Variants in ADGRB1 observed in about 807,000 individuals in gnomAD.
ADGRB1 encodes the protein adhesion G protein-coupled receptor B1.
A neutral mutation model predicts 175.7 loss-of-function variants in ADGRB1; 36 were observed. That is an observed-to-expected ratio of 0.20 (90% CI 0.16 to 0.27). The LOEUF is 0.27. Among genes scored for constraint, ADGRB1 ranks in the 10% least tolerant of loss-of-function variants. ADGRB1 has a pLI of 1.00. For missense variants in ADGRB1, 1,731 were observed against 2,255.3 expected (o/e 0.77, Z 4.71); for synonymous variants, 1,054 against 979.4 (o/e 1.08, Z -1.42).
intron 17 of ADGRB1, 49 bp downstream of exon 17, chr8:142,490,864 T>G: frequency 6.5e-7 from 1 of 1,549,178 alleles, no homozygotes; most frequent in Non-Finnish European, 8.7e-7. Context: ...GTGGGGTTCG[T>G]GGGAGGCTGG....
chr8:142,503,392 G>A (rs768582695), intron 17 of ADGRB1, among the ~76,000 whole-genome samples: 11 of 152,096 alleles, frequency 7.2e-5, no homozygotes, highest in Non-Finnish European at 5.9e-5. Flanking sequence ...GCACAGGCCA[G>A]GCCAGGGAGG....
At position 142,455,161 on chromosome 8, in the gene ADGRB1, G is replaced by A. The variant is rs566903914; in HGVS notation, c.-220+5057G>A. Among the ~76,000 whole-genome samples, 23 of 108,332 alleles carry A rather than the reference G, an allele frequency of 2.1e-4. No homozygotes were observed. The South Asian group carries it at 6.4e-3, about 30-fold the overall frequency. The allele number at this position is 108,332 out of a possible 152,430, so 71.1% of individuals were successfully genotyped here. A position where few individuals can be genotyped will look rare whatever the true frequency, so the allele number is the denominator to read the frequency against. ...GAGGCTACCTCAGCCGCACCCTGCC[G>A]CCGGCACCACACTGCACCATCATTC... On this transcript the variant is annotated intron_variant, in intron 1 of 30. Coordinates refer to ENST00000517894, the MANE Select transcript of ADGRB1 (RefSeq NM_001702.3). The surrounding 1 kb of genome is among the most constrained non-coding windows in gnomAD (Gnocchi z 4.9).
chr8:142,452,862 C>A (rs1359746748), intron 1 of ADGRB1, among the ~76,000 whole-genome samples: 3 of 150,634 alleles, frequency 2.0e-5, no homozygotes, highest in African/African-American at 4.8e-5. Flanking sequence ...GCGGCCGGCG[C>A]GGGGCCGCAG....
chr8:142,488,397 C>G lies in ADGRB1; in HGVS notation c.2342C>G (p.Ala781Gly). The change falls in exon 14 of 31, where the codon GCC becomes GGC. Residue 781 changes from alanine to glycine, a missense_variant. Ala to Gly is a moderately conservative substitution (Grantham distance 60). Transcript: ENST00000517894. The part of the protein sequence containing the change: ...LSIHKLPASG[A>G]TDISFPMKGW... ...ATCCATAAGCTCCCAGCCAGCGGAG[C>G]CACTGACATCAGCTTCCCCATGAAG... The G allele has an allele frequency of 6.2e-7, 1 of 1,613,302 alleles. No homozygotes were observed. Among genetic ancestry groups the G allele is most frequent in the Non-Finnish European group, 8.5e-7 (1 of 1,179,832 alleles).
At position 142,489,324 on chromosome 8, in the gene ADGRB1, T is replaced by C. The variant is rs747034039; in HGVS notation, c.2529-12T>C. 8.1e-6 allele frequency: 13 copies of C among 1,612,454 alleles called. No homozygotes were observed. Among genetic ancestry groups the C allele is most frequent in the Non-Finnish European group, 1.1e-5 (13 of 1,179,654 alleles). On this transcript the variant is annotated splice_polypyrimidine_tract_variant and intron_variant, in intron 15 of 30. Transcript: ENST00000517894. ...AGGGCTCCCCCGACACCTGTGCCTC[T>C]GGCTCTTGCAGGAACACGACCGTCC...
chr8:142,499,957 C>G (rs79543084), intron 17 of ADGRB1, among the ~76,000 whole-genome samples: 1,933 of 81,838 alleles, frequency 0.024, 44 homozygotes, highest in African/African-American at 0.091. Flanking sequence ...AATGCCCACC[C>G]GGTTCCTTTG....
chr8:142,469,862 C>T (rs1015186978), intron 2 of ADGRB1, among the ~76,000 whole-genome samples: 2 of 152,182 alleles, frequency 1.3e-5, no homozygotes, highest in Non-Finnish European at 2.9e-5. Context: ...AGACACACAG[C>T]TGAGCAGAGG....
At chr8:142,528,588 G>A (rs1356776331) in intron 24 of ADGRB1, among the ~76,000 whole-genome samples, 2 of 152,148 alleles carry the variant, frequency 1.3e-5, no homozygotes, top group African/African-American at 2.4e-5. Context: ...CAAGTGTGCC[G>A]AGTGTGGAGT....
Position 142,542,585 on chromosome 8 carries a change from C to A in ADGRB1, c.4351C>A (p.Pro1451Thr). The change falls in exon 28 of 31, where the codon CCC becomes ACC. Residue 1451 changes from proline (P) to threonine (T), a missense_variant. Physicochemically the swap from Pro to Thr is conservative, Grantham distance 38. This residue lies in a region of ADGRB1 where 394 missense variants were observed against 410.2 expected (regional missense o/e 0.96). Coordinates refer to ENST00000517894, the MANE Select transcript of ADGRB1 (RefSeq NM_001702.3). This position sits in a 1 kb window ranked among gnomAD's most constrained non-coding sequence, Gnocchi z 6.3. The stretch of plus-strand genomic sequence containing the variant: ...CGGGGAGCCTGCCGCCCATCCGGGA[C>A]CCAGCACGGGGCCCAGCACCAAGAA... Reference protein sequence around the residue: ...DPGEPAAHPGPSTGPSTKNEN... With the variant: ...DPGEPAAHPGTSTGPSTKNEN... The A allele has an allele frequency of 6.5e-7, 1 of 1,541,872 alleles. No homozygotes were observed. The highest frequency in any genetic ancestry group is 8.7e-7 in the Non-Finnish European group (1 of 1,143,916).
At chr8:142,485,082 C>A (rs1329451599) in intron 13 of ADGRB1, among the ~76,000 whole-genome samples, 1 of 152,218 alleles carries the variant, frequency 6.6e-6, no homozygotes, top group Non-Finnish European at 1.5e-5. Context: ...GCTTTAGAGG[C>A]AGGGGCTGTG....
At position 142,544,246 on chromosome 8, in the gene ADGRB1, G is replaced by A. The variant is rs746140051; in HGVS notation, c.4584G>A (p.Lys1528=). The part of the protein sequence containing the change: ...SKPEKQQTPN[K]RPWESLRKAH... ...CGGAAAAGCAGCAGACGCCCAACAA[G>A]AGGCCCTGGGAGAGCCTCCGGAAAG... Residue 1528 remains lysine, a synonymous_variant, in exon 31 of 31, where the codon AAG becomes AAA. Transcript: ENST00000517894. The A allele has an allele frequency of 6.5e-7, 1 of 1,549,140 alleles. No individual in the cohort carries two copies.
rs112611614 is a variant in ADGRB1 at position 142,469,678 on chromosome 8, A to C, written c.784+4696A>C. On this transcript the variant is annotated intron_variant, in intron 2 of 30. Transcript: ENST00000517894. ...ACGCAAGTGCGTGTGTGTGCACGTG[A>C]ATGTGTGTGAATGTGTGCGTGCCTG... 3.2e-3 allele frequency among the ~76,000 whole-genome samples: 435 copies of C among 135,208 alleles called. 7 individuals are homozygous for C. Among genetic ancestry groups the C allele is most frequent in the African/African-American group, 0.012 (415 of 35,682 alleles). The allele number at this position is 135,208 out of a possible 152,430, so 88.7% of individuals were successfully genotyped here.
At chr8:142,484,302 G>A (rs1217731107) in intron 12 of ADGRB1, among the ~76,000 whole-genome samples, 1 of 152,228 alleles carries the variant, frequency 6.6e-6, no homozygotes, top group African/African-American at 2.4e-5. Flanking sequence ...ACATGGGGAT[G>A]CCAAGGCAGC....
At chr8:142,535,006 G>T (rs1417233345) in intron 25 of ADGRB1, among the ~76,000 whole-genome samples, 3 of 152,210 alleles carry the variant, frequency 2.0e-5, no homozygotes, top group Admixed American at 2.0e-4. Context: ...CTGGCCCCCA[G>T]TGCCTGGCTT....
In ADGRB1 at chr8:142,493,076, G is replaced by T. The variant is rs1842056766; in HGVS notation, c.2675+2261G>T. Among the ~76,000 whole-genome samples, 1 of 151,892 alleles carries T rather than the reference G, an allele frequency of 6.6e-6. No homozygotes were observed. The highest frequency in any genetic ancestry group is 1.5e-5 in the Non-Finnish European group (1 of 67,966). The stretch of plus-strand genomic sequence containing the variant: ...GACAGCTTCACCCGTACTTCTGATT[G>T]CTCCCTGGGGATCAGTCCCCAGGCA... On this transcript the variant is annotated intron_variant, in intron 17 of 30. Transcript: ENST00000517894. This position sits in a 1 kb window ranked among gnomAD's most constrained non-coding sequence, Gnocchi z 5.0.
At chr8:142,536,944 G>A in intron 25 of ADGRB1, 43 bp from the exon 26 acceptor site, 1 of 1,505,472 alleles carries the variant, frequency 6.6e-7, no homozygotes, top group Non-Finnish European at 9.0e-7. Context: ...GGCGCAGGGT[G>A]GGGGCGTGGC....
intron 17 of ADGRB1, among the ~76,000 whole-genome samples, chr8:142,502,056 G>A (rs1020226408): frequency 2.9e-5 from 2 of 68,290 alleles, no homozygotes; most frequent in African/African-American, 5.2e-5. Flanking sequence ...GATGGTGGTC[G>A]GGGTGGGGGT....
intron 17 of ADGRB1, among the ~76,000 whole-genome samples, chr8:142,491,979 C>G (rs1842001980): frequency 1.3e-5 from 2 of 152,066 alleles, no homozygotes; most frequent in Admixed American, 1.3e-4. Flanking sequence ...CCAGGAGGAG[C>G]AGGCAGAGGC....
Position 142,536,979 on chromosome 8 carries a change from C to T in ADGRB1, c.3571-8C>T. On this transcript the variant is annotated splice_region_variant and splice_polypyrimidine_tract_variant and intron_variant, in intron 25 of 30. Transcript: ENST00000517894. The stretch of plus-strand genomic sequence containing the variant: ...CTGCCACTGAGGTGCTCGGCTCTCC[C>T]TCCCCAGGTCCAGGACGCTGTGAAA... The T allele has an allele frequency of 6.3e-7, 1 of 1,578,654 alleles. No individual in the cohort carries two copies. The highest frequency in any genetic ancestry group is 8.6e-7 in the Non-Finnish European group (1 of 1,163,580).
Sources: gnomAD v4.1 joint callset for allele counts (sites outside exome capture counted in the v4.1 genomes callset) on GRCh38, gnomAD v4.1.1 for gene constraint, gnomAD v4.1.1 regional missense constraint, Gnocchi (gnomAD v3.1) non-coding constraint, MANE v1.5 for transcripts, NCBI Gene and HGNC (gene_info 2026-07-23, HGNC 2026-07-21) for gene names.